The following ANK1 variants were observed in gnomAD, a reference collection of about 807,000 sequenced individuals.
ANK1 encodes ankyrin 1.
ANK1 carries 51 observed loss-of-function variants against 210.4 expected under a neutral mutation model. The ratio of observed to expected loss-of-function variants is 0.24; its 90% CI spans 0.19 to 0.31. ANK1 has a LOEUF of 0.31. Ranked by LOEUF, ANK1 falls within the 10% of genes least tolerant of loss-of-function variation. The pLI is 1.00. For synonymous variants in ANK1, 967 were observed against 1,025.9 expected, an observed-to-expected ratio of 0.94 and a Z score of 1.10; for missense variants, 2,051 against 2,504.4, an observed-to-expected ratio of 0.82 and a Z score of 3.86.
rs1234170841 is a variant in ANK1 at position 41,803,080 on chromosome 8, GAAGGGAAGGAAAGGA to G, written c.127-44958_127-44944del. On this transcript the variant is annotated intron_variant, in intron 1 of 42. Transcript: ENST00000265709. ...GAGAGAAAGGAAGGAAGGAAGGAAGGAAGGGAAGGAAAGGAAAGGAAAGGAAAGGAAAGGAAAGGA... is the reference window on the plus strand; with the variant it reads ...GAGAGAAAGGAAGGAAGGAAGGAAGGAAGGAAAGGAAAGGAAAGGAAAGGA... 5.2e-4 allele frequency among the ~76,000 whole-genome samples: 24 copies of G among 46,220 alleles called. No individual in the cohort carries two copies. The East Asian group carries it at 6.2e-3, about 12-fold the overall frequency. The allele number at this position is 46,220 out of a possible 152,430, so 30.3% of individuals were successfully genotyped here. A position where few individuals can be genotyped will look rare whatever the true frequency, so the allele number is the denominator to read the frequency against.
At chr8:41,763,969 G>A (rs954299277) in intron 1 of ANK1, among the ~76,000 whole-genome samples, 1 of 139,010 alleles carries the variant, frequency 7.2e-6, no homozygotes, top group Non-Finnish European at 1.5e-5. Flanking sequence ...AGGGCATCTG[G>A]GAGGTGAACT....
intron 37 of ANK1, among the ~76,000 whole-genome samples, chr8:41,681,394 G>A (rs948116507): frequency 2.0e-5 from 3 of 152,218 alleles, no homozygotes; most frequent in Non-Finnish European, 2.9e-5. Context: ...GGCCTGGGCC[G>A]TCCTCTCCTA....
chr8:41,814,991 A>G (rs1046926754), intron 1 of ANK1, among the ~76,000 whole-genome samples: 1 of 152,176 alleles, frequency 6.6e-6, no homozygotes, highest in Non-Finnish European at 1.5e-5. Flanking sequence ...CCAGGGGCCC[A>G]TCTGAGAAAT....
At chr8:41,728,664 G>A (rs564939291) in intron 3 of ANK1, among the ~76,000 whole-genome samples, 7 of 152,066 alleles carry the variant, frequency 4.6e-5, no homozygotes, top group South Asian at 4.2e-4. Context: ...AGGAGAGTGC[G>A]GCCATGTCAA....
intron 1 of ANK1, among the ~76,000 whole-genome samples, chr8:41,795,472 G>A (rs1389724916): frequency 6.6e-6 from 1 of 152,042 alleles, no homozygotes; most frequent in East Asian, 1.9e-4. Context: ...TCACACCACT[G>A]CACTCCAGCC....
At chr8:41,713,952 C>T (rs572955403) in intron 16 of ANK1, among the ~76,000 whole-genome samples, 1 of 152,174 alleles carries the variant, frequency 6.6e-6, no homozygotes, top group Non-Finnish European at 1.5e-5. Context: ...GAATTGTTAC[C>T]CACTTCCCAT....
rs1039200108 is a variant in ANK1 at position 41,669,481 on chromosome 8, G to A, written c.5097-917C>T. Among the ~76,000 whole-genome samples the A allele has an allele frequency of 2.6e-5, 4 of 152,054 alleles. No individual in the cohort carries two copies. In the South Asian group the frequency reaches 8.3e-4, roughly 31 times the overall value. On this transcript the variant is annotated intron_variant, in intron 38 of 42. Transcript: ENST00000289734. ...CCAGCTATTTAAAAAATTTTGTAGAGATGGGTTCTGGCTCACAGGTCTACT... is the reference window on the plus strand; with the variant it reads ...CCAGCTATTTAAAAAATTTTGTAGAAATGGGTTCTGGCTCACAGGTCTACT...
intron 1 of ANK1, among the ~76,000 whole-genome samples, chr8:41,839,710 A>G (rs1432949415): frequency 1.3e-5 from 2 of 152,226 alleles, no homozygotes; most frequent in Non-Finnish European, 2.9e-5. Context: ...ACAAGGGGTC[A>G]TCTGTCAAGG....
Position 41,672,264 on chromosome 8 carries a change from AT to A in ANK1, c.5096+89del, listed in dbSNP as rs1585927649. The stretch of plus-strand genomic sequence containing the variant: ...ATTAGAACCCAGGGTCAGGGTTGGC[AT>A]CGACACCTCTGTCCTCACTGCCAGG... On this transcript the variant is annotated intron_variant, in intron 38 of 42. Transcript: ENST00000289734. 4.9e-6 allele frequency: 7 copies of A among 1,440,068 alleles called. No individual in the cohort carries two copies. In the East Asian group the frequency reaches 1.6e-4, roughly 33 times the overall value. The allele number at this position is 1,440,068 out of a possible 1,614,324, so 89.2% of individuals were successfully genotyped here.
At chr8:41,848,165 A>G (rs1233236669) in intron 1 of ANK1, among the ~76,000 whole-genome samples, 2 of 150,782 alleles carry the variant, frequency 1.3e-5, no homozygotes, top group African/African-American at 2.4e-5. Flanking sequence ...AGCCTGGGGG[A>G]ATACAGTGAG....
At chr8:41,828,956 C>A (rs1441526143) in intron 1 of ANK1, 1 of 152,292 alleles carries the variant, frequency 6.6e-6, no homozygotes, top group Non-Finnish European at 1.5e-5. Flanking sequence ...TGCCGCCCGT[C>A]CTCTCCAGAG....
At chr8:41,686,038 G>C (rs1817603346) in intron 36 of ANK1, 114 bp downstream of exon 36, 5 of 1,520,952 alleles carry the variant, frequency 3.3e-6, no homozygotes, top group East Asian at 2.3e-5. Flanking sequence ...GTGTGTGAGA[G>C]AGACAGAGAC....
intron 1 of ANK1, among the ~76,000 whole-genome samples, chr8:41,762,776 A>C (rs540476755): frequency 6.6e-6 from 1 of 152,348 alleles, no homozygotes; most frequent in South Asian, 2.1e-4. Context: ...AATGTTAAAG[A>C]GACATTTCTC....
At position 41,708,966 on chromosome 8, in the gene ANK1, T is replaced by C; in HGVS notation, c.1810A>G (p.Thr604Ala). 6.2e-7 allele frequency: 1 copy of C among 1,613,880 alleles called. No homozygotes were observed. The highest frequency in any genetic ancestry group is 2.2e-5 in the East Asian group (1 of 44,850). Residue 604 changes from threonine to alanine, a missense_variant, in exon 17 of 43, where the codon ACC (threonine) becomes GCC (alanine). Coordinates refer to ENST00000289734, the MANE Select transcript of ANK1 (RefSeq NM_000037.4). ...TGCTTGGCAGCGATGTGCAAAGGGG[T>C]GTAGCCATTCTGAAACAGAAGAAGC... ...SPHSPAWNGY[T>A]PLHIAAKQNQ...
chr8:41,766,538 T>C (rs925676153), intron 1 of ANK1, among the ~76,000 whole-genome samples: 4 of 152,190 alleles, frequency 2.6e-5, no homozygotes, highest in Non-Finnish European at 5.9e-5. Flanking sequence ...CTGGGCTCCC[T>C]CTTAATCTCT....
At chr8:41,870,879 C>T (rs536790950) in intron 1 of ANK1, among the ~76,000 whole-genome samples, 31 of 152,268 alleles carry the variant, frequency 2.0e-4, no homozygotes, top group African/African-American at 7.0e-4. Flanking sequence ...CTCTGCTTGG[C>T]GAACACTCCT....
intron 35 of ANK1, among the ~76,000 whole-genome samples, chr8:41,686,817 A>C (rs1817802809): frequency 6.6e-6 from 1 of 152,256 alleles, no homozygotes; most frequent in Non-Finnish European, 1.5e-5. Flanking sequence ...TCTAAATGCA[A>C]GGCAATAATG....
intron 1 of ANK1, among the ~76,000 whole-genome samples, chr8:41,778,649 A>G (rs1844625217): frequency 1.3e-5 from 2 of 152,224 alleles, no homozygotes; most frequent in Admixed American, 6.6e-5. Flanking sequence ...TATTGTAGGA[A>G]GCTGTGTGAA....
At chr8:41,782,530 C>T (rs1225895748) in intron 1 of ANK1, among the ~76,000 whole-genome samples, 10 of 152,130 alleles carry the variant, frequency 6.6e-5, no homozygotes, top group Admixed American at 5.2e-4. Context: ...CTGAGTGAGC[C>T]CTGCATCCAG....
Sources: gnomAD v4.1 joint callset for allele counts (sites outside exome capture counted in the v4.1 genomes callset) on GRCh38, gnomAD v4.1.1 for gene constraint, MANE v1.5 for transcripts, NCBI Gene and HGNC (gene_info 2026-07-23, HGNC 2026-07-21) for gene names.